Variants in ADGB observed in about 807,000 individuals in gnomAD.
ADGB encodes the protein androglobin.
Under a neutral mutation model 210.5 loss-of-function variants are expected in ADGB, and 172 were observed. That is an observed-to-expected ratio of 0.82 (90% confidence interval 0.72 to 0.93). ADGB has a LOEUF of 0.93. ADGB is among the 40% of genes least tolerant of loss of function. The pLI is 0.00. For missense variants in ADGB, 2,025 were observed against 1,964.8 expected (o/e 1.03, Z -0.58); for synonymous variants, 658 against 662.7 (o/e 0.99, Z 0.11).
In ADGB at chr6:146,740,577, T is replaced by C; in HGVS notation, c.3007T>C (p.Trp1003Arg). 6.4e-7 allele frequency: 1 copy of C among 1,550,654 alleles called. No homozygotes were observed. Among genetic ancestry groups the C allele is most frequent in the Non-Finnish European group, 8.7e-7 (1 of 1,146,516 alleles). The part of the protein sequence containing the change: ...VTYQEQPPNS[W>R]FIVFRETFLV... ...TTATCAAGAACAGCCACCAAATTCT[T>C]GGTTTATAGTATTCAGGTGAGGTTG... Residue 1003 changes from tryptophan (W) to arginine (R), a missense_variant, in exon 24 of 36, where the codon TGG (tryptophan) becomes CGG (arginine). Physicochemically the swap from Trp to Arg is moderately radical, Grantham distance 101. Transcript: ENST00000397944.
At chr6:146,628,044 G>C (rs764527423) in intron 1 of ADGB, among the ~76,000 whole-genome samples, 1 of 152,084 alleles carries the variant, frequency 6.6e-6, no homozygotes, top group Non-Finnish European at 1.5e-5. Flanking sequence ...GTGACTCTAA[G>C]ATGGAAGTGA....
At chr6:146,632,846 C>T (rs1016198012) in intron 1 of ADGB, among the ~76,000 whole-genome samples, 1 of 152,082 alleles carries the variant, frequency 6.6e-6, no homozygotes, top group Admixed American at 6.6e-5. Context: ...GACACTGACC[C>T]AGCATTGTGG....
intron 2 of ADGB, among the ~76,000 whole-genome samples, chr6:146,641,319 C>T (rs1025614946): frequency 6.6e-6 from 1 of 151,988 alleles, no homozygotes. Context: ...AAAGGCTATA[C>T]TGCCCAAAGC....
intron 6 of ADGB, among the ~76,000 whole-genome samples, chr6:146,664,775 T>C (rs1244622864): frequency 6.6e-6 from 1 of 152,100 alleles, no homozygotes; most frequent in Admixed American, 6.6e-5. Context: ...TTCTGAAAGA[T>C]GTCAATGTAC....
chr6:146,653,407 AG>A (rs762688454), intron 3 of ADGB, among the ~76,000 whole-genome samples: 7 of 152,264 alleles, frequency 4.6e-5, no homozygotes, highest in Admixed American at 1.3e-4. Flanking sequence ...GGTGCCAAAA[AG>A]GTTGGGGACC....
intron 33 of ADGB, among the ~76,000 whole-genome samples, chr6:146,792,710 A>G (rs1446686865): frequency 6.6e-6 from 1 of 152,176 alleles, no homozygotes; most frequent in East Asian, 1.9e-4. Context: ...ACTTTTGCAT[A>G]GAGAGGAGAA....
chr6:146,694,422 C>T (rs1471698631), intron 12 of ADGB, among the ~76,000 whole-genome samples: 2 of 152,096 alleles, frequency 1.3e-5, no homozygotes, highest in Admixed American at 6.6e-5. Context: ...TTTACAAGGA[C>T]ACTAATGCCA....
chr6:146,801,196 T>C lies in ADGB; in HGVS notation c.4551T>C (p.Arg1517=), dbSNP rs2114665000. The C allele has an allele frequency of 6.7e-7, 1 of 1,500,462 alleles. No homozygotes were observed. The highest frequency in any genetic ancestry group is 8.9e-7 in the Non-Finnish European group (1 of 1,123,208). The allele number at this position is 1,500,462 out of a possible 1,614,324, so 92.9% of individuals were successfully genotyped here. ...TTTTTTTTAAAGAAACAGGACCTCG[T>C]ACACGATCTCCAACAATTTTGGAAA... ...TRKENIQTGP[R]TRSPTILETS... is the part of the protein sequence containing the mutation. Residue 1517 remains arginine (R), a synonymous_variant, in exon 34 of 36, where the codon CGT becomes CGC. Transcript: ENST00000397944.
chr6:146,612,958 A>G (rs911878425), intron 1 of ADGB, among the ~76,000 whole-genome samples: 1 of 152,154 alleles, frequency 6.6e-6, no homozygotes, highest in Non-Finnish European at 1.5e-5. Context: ...ACTTACTTCC[A>G]TCCATATCTA....
At chr6:146,664,976 C>T (rs1192353262) in intron 6 of ADGB, among the ~76,000 whole-genome samples, 1 of 152,020 alleles carries the variant, frequency 6.6e-6, no homozygotes, top group South Asian at 2.1e-4. Context: ...GGAGTCATAC[C>T]ATCCTGGCCC....
At chr6:146,600,699 T>C (rs1780541556) in intron 1 of ADGB, among the ~76,000 whole-genome samples, 1 of 135,182 alleles carries the variant, frequency 7.4e-6, no homozygotes, top group African/African-American at 2.8e-5. Flanking sequence ...ATGCTATATA[T>C]TTCACTTTTT....
intron 35 of ADGB, among the ~76,000 whole-genome samples, chr6:146,809,761 A>G (rs1452611054): frequency 1.3e-5 from 2 of 152,248 alleles, no homozygotes. Context: ...AAATATCCAC[A>G]TGCAAAAGAA....
At chr6:146,651,107 C>T (rs1380004231) in intron 3 of ADGB, among the ~76,000 whole-genome samples, 1 of 152,194 alleles carries the variant, frequency 6.6e-6, no homozygotes, top group Non-Finnish European at 1.5e-5. Context: ...AGAGATGATG[C>T]CATGAACGTG....
chr6:146,775,508 G>A (rs866115868), intron 29 of ADGB, among the ~76,000 whole-genome samples: 1 of 152,140 alleles, frequency 6.6e-6, no homozygotes, highest in South Asian at 2.1e-4. Flanking sequence ...ATAGTACTTA[G>A]TGATGTCACC....
chr6:146,777,896 C>G (rs143672773), intron 29 of ADGB, among the ~76,000 whole-genome samples: 269 of 152,286 alleles, frequency 1.8e-3, no homozygotes, highest in African/African-American at 6.3e-3. Context: ...GTTGGAATCT[C>G]TGAGAGGTGG....
intron 28 of ADGB, among the ~76,000 whole-genome samples, chr6:146,766,052 AACAG>A (rs1189822333): frequency 6.6e-6 from 1 of 152,156 alleles, no homozygotes; most frequent in African/African-American, 2.4e-5. Context: ...GAGGTGTAAC[AACAG>A]ACAATGGGTT....
chr6:146,745,947 C>T lies in ADGB; in HGVS notation c.3203C>T (p.Ala1068Val). ...NKKGYTFVAE[A>V]FTGDTYVAAS... ...AAGGGATACACTTTTGTGGCGGAAG[C>T]ATTTACAGGCGACACATATGTAGCA... The change falls in exon 26 of 36, where the codon GCA becomes GTA. Residue 1068 changes from alanine to valine, a missense_variant. By Grantham distance (64) the Ala-to-Val change is moderately conservative. Transcript: ENST00000397944. 1.3e-6 allele frequency: 2 copies of T among 1,548,382 alleles called. No homozygotes were observed. Among genetic ancestry groups the T allele is most frequent in the Non-Finnish European group, 1.7e-6 (2 of 1,145,626 alleles).
intron 32 of ADGB, among the ~76,000 whole-genome samples, chr6:146,786,081 T>A (rs1777868888): frequency 6.7e-6 from 1 of 149,606 alleles, no homozygotes. Flanking sequence ...GTACCAGACT[T>A]AAACAATAAC....
At position 146,727,351 on chromosome 6, in the gene ADGB, G is replaced by T. The variant is rs566901577; in HGVS notation, c.2352+1154G>T. Among the ~76,000 whole-genome samples, 4 of 152,188 alleles carry T rather than the reference G, an allele frequency of 2.6e-5. No individual in the cohort carries two copies. In the South Asian group the frequency reaches 6.2e-4, roughly 24 times the overall value. On this transcript the variant is annotated intron_variant, in intron 19 of 35. Transcript: ENST00000397944. Reference sequence around the variant, plus strand: ...CAGGGCTGCCTCCTCTGTTTGCTGTGCCATCTCTCACTAGCTCTCTTTCTC... The same window carrying T: ...CAGGGCTGCCTCCTCTGTTTGCTGTTCCATCTCTCACTAGCTCTCTTTCTC...
Sources: allele counts gnomAD v4.1 joint callset (sites outside exome capture counted in the v4.1 genomes callset), GRCh38; gene constraint gnomAD v4.1.1; transcripts MANE v1.5; gene names NCBI Gene and HGNC (gene_info 2026-07-23, HGNC 2026-07-21).